ZFPM2: variants seen among roughly 807,000 people sequenced by gnomAD.
ZFPM2 encodes zinc finger protein ZFPM2.
In ZFPM2, 20 loss-of-function variants were observed where a neutral mutation model predicts 98.6. The observed-to-expected ratio is 0.20, with a 90% CI of 0.14 to 0.29. The LOEUF (loss-of-function observed/expected upper bound fraction) is 0.29. ZFPM2 is among the 10% of genes least tolerant of loss of function. ZFPM2 has a pLI of 1.00. For missense variants in ZFPM2, 1,310 were observed against 1,388.6 expected (o/e 0.94, Z 0.90); for synonymous variants, 518 against 502.7 (o/e 1.03, Z -0.41).
chr8:105,658,993 C>T (rs17219138), intron 5 of ZFPM2, among the ~76,000 whole-genome samples: 23,465 of 151,986 alleles, frequency 0.15, 2,203 homozygotes, highest in Middle Eastern at 0.29. Context: ...TAACAGTAAC[C>T]AGGGTTCTGA....
At chr8:105,660,267 G>C (rs1022983268) in intron 5 of ZFPM2, among the ~76,000 whole-genome samples, 1 of 151,846 alleles carries the variant, frequency 6.6e-6, no homozygotes, top group Non-Finnish European at 1.5e-5. Flanking sequence ...ACAGTGCTTC[G>C]AGTATGCTTT....
In ZFPM2 at chr8:105,803,609, T is replaced by C; in HGVS notation, c.*71T>C. On this transcript the variant is annotated 3_prime_UTR_variant, in exon 8 of 8. Coordinates refer to ENST00000407775, the MANE Select transcript of ZFPM2 (RefSeq NM_012082.4). ...GTTCTAACCAGTCCAGAAAAAAAAA[T>C]AAGCTGTTTGAATTACATCTGGGCA... is the stretch of plus-strand genomic sequence containing the variant. 3 of 1,426,262 alleles carry C rather than the reference T, an allele frequency of 2.1e-6. No individual in the cohort carries two copies. The highest frequency in any genetic ancestry group is 2.9e-6 in the Non-Finnish European group (3 of 1,039,238). 88.4% of individuals were successfully genotyped at this position (1,426,262 alleles called of 1,614,324 possible).
At chr8:105,640,864 C>T (rs1188435080) in intron 5 of ZFPM2, among the ~76,000 whole-genome samples, 4 of 151,900 alleles carry the variant, frequency 2.6e-5, no homozygotes, top group East Asian at 1.9e-4. Flanking sequence ...GAAAAATTTG[C>T]GTTCATATTT....
chr8:105,703,078 A>G (rs527808556), intron 5 of ZFPM2, among the ~76,000 whole-genome samples: 6 of 152,222 alleles, frequency 3.9e-5, no homozygotes, highest in African/African-American at 1.4e-4. Flanking sequence ...CGCGCCCAAC[A>G]TTCTTATATT....
chr8:105,718,918 A>C (rs555667682), intron 5 of ZFPM2, among the ~76,000 whole-genome samples: 3 of 152,004 alleles, frequency 2.0e-5, no homozygotes, highest in African/African-American at 7.2e-5. Context: ...CCACATGTAG[A>C]GAGATGACTT....
intron 1 of ZFPM2, among the ~76,000 whole-genome samples, chr8:105,323,711 T>A (rs1354610587): frequency 6.6e-6 from 1 of 151,936 alleles, no homozygotes; most frequent in Non-Finnish European, 1.5e-5. Context: ...TTTTAAGAGT[T>A]AAAGACAACC....
intron 3 of ZFPM2, among the ~76,000 whole-genome samples, chr8:105,540,862 ATTT>A (rs1388774121): frequency 6.6e-6 from 1 of 152,056 alleles, no homozygotes; most frequent in African/African-American, 2.4e-5. Context: ...AGCTGGAAGT[ATTT>A]TTTCCTTTGC....
chr8:105,559,621 C>T (rs1188621174), intron 3 of ZFPM2, among the ~76,000 whole-genome samples: 5 of 151,976 alleles, frequency 3.3e-5, no homozygotes, highest in East Asian at 1.9e-4. Context: ...TAACCACTAC[C>T]GAAATATTTT....
At chr8:105,361,416 G>A (rs1245783404) in intron 1 of ZFPM2, among the ~76,000 whole-genome samples, 1 of 149,644 alleles carries the variant, frequency 6.7e-6, no homozygotes, top group African/African-American at 2.5e-5. Context: ...CTCCCATTTT[G>A]TAGGTTGCCT....
At chr8:105,460,828 T>G (rs62527178) in intron 3 of ZFPM2, among the ~76,000 whole-genome samples, 13,678 of 152,088 alleles carry the variant, frequency 0.09, 682 homozygotes, top group South Asian at 0.15. Flanking sequence ...AAAAAATACT[T>G]TAACTATTTT....
intron 5 of ZFPM2, among the ~76,000 whole-genome samples, chr8:105,788,024 A>G (rs913481457): frequency 6.6e-6 from 1 of 152,208 alleles, no homozygotes; most frequent in Non-Finnish European, 1.5e-5. Flanking sequence ...CTTTATTTAA[A>G]TGAGCCTTTT....
intron 3 of ZFPM2, among the ~76,000 whole-genome samples, chr8:105,483,279 T>C (rs1008455778): frequency 1.3e-5 from 2 of 152,002 alleles, no homozygotes; most frequent in African/African-American, 4.8e-5. Flanking sequence ...GAATAATAAA[T>C]TGGCTATATT....
At chr8:105,566,944 G>A (rs1006676530) in intron 4 of ZFPM2, among the ~76,000 whole-genome samples, 11 of 151,828 alleles carry the variant, frequency 7.2e-5, no homozygotes, top group African/African-American at 2.4e-4. Context: ...CATATAAAGG[G>A]CACTATAGAT....
At chr8:105,549,562 T>TTC (rs1563713795) in intron 3 of ZFPM2, among the ~76,000 whole-genome samples, 9,655 of 97,174 alleles carry the variant, frequency 0.099, 926 homozygotes, top group African/African-American at 0.13. Flanking sequence ...TTCCTTCCTT[T>TTC]CTTCCTTCCA....
chr8:105,699,912 G>A (rs2130954762), intron 5 of ZFPM2, among the ~76,000 whole-genome samples: 1 of 152,076 alleles, frequency 6.6e-6, no homozygotes, highest in East Asian at 1.9e-4. Context: ...CAATATTTTA[G>A]GTATTTTTGA....
intron 5 of ZFPM2, among the ~76,000 whole-genome samples, chr8:105,686,719 ATAGT>A (rs1810745179): frequency 6.6e-6 from 1 of 152,138 alleles, no homozygotes; most frequent in Admixed American, 6.6e-5. Context: ...TTTAACATTC[ATAGT>A]TAGCACACGG....
chr8:105,458,750 G>GA (rs1334548944), intron 3 of ZFPM2, among the ~76,000 whole-genome samples: 2 of 151,650 alleles, frequency 1.3e-5, no homozygotes, highest in East Asian at 3.9e-4. Context: ...CAAAAGAAAA[G>GA]AAAAAAGAGA....
intron 5 of ZFPM2, among the ~76,000 whole-genome samples, chr8:105,700,575 TTTGTTTGTTTGTTTGA>T (rs1198032006): frequency 9.9e-5 from 15 of 151,010 alleles, no homozygotes; most frequent in East Asian, 3.9e-4. Flanking sequence ...TGTTTGTTTG[TTTGTTTGTTTGTTTGA>T]TTGTTTGTTT....
chr8:105,564,427 C>T (rs1815203693), intron 4 of ZFPM2, among the ~76,000 whole-genome samples: 1 of 151,876 alleles, frequency 6.6e-6, no homozygotes, highest in Non-Finnish European at 1.5e-5. Flanking sequence ...TTTGAAATAA[C>T]ATCCTCTTCC....
Sources: allele counts gnomAD v4.1 joint callset (sites outside exome capture counted in the v4.1 genomes callset), GRCh38; gene constraint gnomAD v4.1.1; transcripts MANE v1.5; gene names NCBI Gene and HGNC (gene_info 2026-07-23, HGNC 2026-07-21).